MSRA: variants seen among roughly 807,000 people sequenced by gnomAD.
MSRA encodes mitochondrial peptide methionine sulfoxide reductase.
A neutral mutation model predicts 31.3 loss-of-function variants in MSRA; 54 were observed. That is an observed-to-expected ratio of 1.73 (90% CI 1.39 to 2.17). The LOEUF (loss-of-function observed/expected upper bound fraction) is 2.17. Ranked by LOEUF, MSRA falls within the 30% of genes most tolerant of loss-of-function variation. The probability of loss-of-function intolerance (pLI) is 0.00; values close to 1 mark genes in which losing one functional copy is unlikely to be tolerated. For synonymous variants in MSRA, 169 were observed against 116.5 expected (o/e 1.45, Z -2.90); for missense variants, 507 against 300.9 (o/e 1.69, Z -5.07).
chr8:10,070,661 C>G (rs1563395504), intron 1 of MSRA, among the ~76,000 whole-genome samples: 1 of 152,156 alleles, frequency 6.6e-6, no homozygotes, highest in African/African-American at 2.4e-5. Context: ...TCTTCCTCAC[C>G]CCCTGCCCAT....
At chr8:10,217,408 T>C (rs1454963029) in intron 2 of MSRA, among the ~76,000 whole-genome samples, 9 of 152,254 alleles carry the variant, frequency 5.9e-5, no homozygotes, top group South Asian at 4.1e-4. Flanking sequence ...CTGCTGGCTC[T>C]GGTTTAACCC....
chr8:10,295,265 A>C (rs937612904), intron 3 of MSRA, among the ~76,000 whole-genome samples: 3 of 152,024 alleles, frequency 2.0e-5, no homozygotes, highest in Non-Finnish European at 4.4e-5. Flanking sequence ...CCTGACTTCA[A>C]GGCTCAAGCA....
intron 5 of MSRA, among the ~76,000 whole-genome samples, chr8:10,425,255 A>G (rs554611674): frequency 1.9e-4 from 29 of 152,192 alleles, no homozygotes; most frequent in African/African-American, 6.8e-4. Context: ...GGACCCGTCC[A>G]TGAGGTCCCA....
intron 1 of MSRA, among the ~76,000 whole-genome samples, chr8:10,081,885 C>G (rs941175040): frequency 6.6e-6 from 1 of 152,190 alleles, no homozygotes; most frequent in Non-Finnish European, 1.5e-5. Flanking sequence ...TCTACCCCCT[C>G]TGCTGACTCT....
rs148735624 is a variant in MSRA, at chr8:10,426,256, C to T, written c.544-1892C>T. ...AGCCAAATGCTGTGTGAGCTGGGGC[C>T]CGGTCATGGAAACAGAAAACTTCCA... On this transcript the variant is annotated intron_variant, in intron 5 of 5. Transcript: ENST00000317173. Among the ~76,000 whole-genome samples the T allele has an allele frequency of 6.6e-4, 100 of 152,212 alleles. 1 individual carries two copies. The East Asian group carries it at 0.019, about 29-fold the overall frequency.
intron 5 of MSRA, among the ~76,000 whole-genome samples, chr8:10,406,812 T>A (rs887682168): frequency 6.6e-6 from 1 of 152,234 alleles, no homozygotes; most frequent in Non-Finnish European, 1.5e-5. Flanking sequence ...GGAACCAAGA[T>A]GAGGCCCATG....
intron 5 of MSRA, among the ~76,000 whole-genome samples, chr8:10,426,975 G>GGGCCTCAAGGTCCTCGATC (rs150708321): frequency 1.3e-5 from 2 of 152,054 alleles, no homozygotes; most frequent in African/African-American, 4.8e-5. Flanking sequence ...CGGACCTGCT[G>GGGCCTCAAGGTCCTCGATC]GGCCTTCTGC....
intron 1 of MSRA, among the ~76,000 whole-genome samples, chr8:10,091,361 A>G (rs1191458045): frequency 6.6e-6 from 1 of 152,242 alleles, no homozygotes; most frequent in African/African-American, 2.4e-5. Flanking sequence ...AATTATGTGC[A>G]TTGCCTCACA....
intron 5 of MSRA, among the ~76,000 whole-genome samples, chr8:10,397,317 G>A (rs1218249270): frequency 6.6e-6 from 1 of 152,154 alleles, no homozygotes; most frequent in Non-Finnish European, 1.5e-5. Context: ...ATTGACCCTG[G>A]TACTTTGTAG....
At chr8:10,129,484 C>T (rs1292661141) in intron 1 of MSRA, among the ~76,000 whole-genome samples, 1 of 152,048 alleles carries the variant, frequency 6.6e-6, no homozygotes, top group Non-Finnish European at 1.5e-5. Flanking sequence ...CACCCTTGAG[C>T]AGACACCTGT....
intron 5 of MSRA, chr8:10,337,706 C>T (rs1803143927): frequency 2.8e-6 from 2 of 702,478 alleles, no homozygotes; most frequent in Admixed American, 2.0e-5. Context: ...CCTCTCTCGG[C>T]AGCTGGTGCT....
At chr8:10,153,180 A>G (rs1803859268) in intron 1 of MSRA, among the ~76,000 whole-genome samples, 1 of 152,212 alleles carries the variant, frequency 6.6e-6, no homozygotes, top group African/African-American at 2.4e-5. Flanking sequence ...CACAATTACA[A>G]AAGTGGAATG....
At chr8:10,245,300 T>C in intron 3 of MSRA, 77 bp downstream of exon 3, 5 of 1,335,140 alleles carry the variant, frequency 3.7e-6, no homozygotes, top group Non-Finnish European at 5.2e-6. Context: ...GACAGGCTCT[T>C]TAAAATGGAA....
chr8:10,144,618 C>T (rs1187332954), intron 1 of MSRA, among the ~76,000 whole-genome samples: 1 of 151,242 alleles, frequency 6.6e-6, no homozygotes, highest in Non-Finnish European at 1.5e-5. Context: ...CCTTCCCTCT[C>T]CCTGCTTTTT....
In MSRA at chr8:10,319,919, G is replaced by C; in HGVS notation, c.473G>C (p.Arg158Pro). 1 of 1,597,376 alleles carries C rather than the reference G, an allele frequency of 6.3e-7. No homozygotes were observed. The highest frequency in any genetic ancestry group is 8.5e-7 in the Non-Finnish European group (1 of 1,172,274). The change falls in exon 5 of 6, where the codon CGC (arginine) becomes CCC (proline). Residue 158 changes from arginine to proline, a missense_variant. Arg to Pro is a moderately radical substitution (Grantham distance 103). Transcript: ENST00000317173. ...GGGAACGACCATGGCACTCAGTACCGCTCGGCCATCTACCCGACCTCTGCC... is the reference window on the plus strand; with the variant it reads ...GGGAACGACCATGGCACTCAGTACCCCTCGGCCATCTACCCGACCTCTGCC... ...RQGNDHGTQY[R>P]SAIYPTSAKQ...
rs140838481 is a variant in MSRA at position 10,315,886 on chromosome 8, A to G, written c.437-3997A>G. Among the ~76,000 whole-genome samples, 1,067 of 152,376 alleles carry G rather than the reference A, an allele frequency of 7.0e-3. 4 individuals are homozygous for G. The highest frequency in any genetic ancestry group is 0.011 in the Non-Finnish European group (743 of 68,034). ...AGTAAAAAGATTTTCTTTGGCCACCATAAATAGAATTTCCCTTTTACACAA... is the reference window on the plus strand; with the variant it reads ...AGTAAAAAGATTTTCTTTGGCCACCGTAAATAGAATTTCCCTTTTACACAA... On this transcript the variant is annotated intron_variant, in intron 4 of 5. Transcript: ENST00000317173.
intron 3 of MSRA, among the ~76,000 whole-genome samples, chr8:10,266,686 C>T (rs1364350375): frequency 6.6e-6 from 1 of 151,330 alleles, no homozygotes; most frequent in Non-Finnish European, 1.5e-5. Flanking sequence ...CTTATTTTTT[C>T]AGAAATTGTA....
At chr8:10,361,827 T>C (rs1461423455) in intron 5 of MSRA, among the ~76,000 whole-genome samples, 1 of 152,232 alleles carries the variant, frequency 6.6e-6, no homozygotes, top group Non-Finnish European at 1.5e-5. Flanking sequence ...AACTTATTTG[T>C]TTTAAAATTT....
At chr8:10,166,430 G>A (rs118133700) in intron 1 of MSRA, among the ~76,000 whole-genome samples, 7 of 152,238 alleles carry the variant, frequency 4.6e-5, no homozygotes, top group Middle Eastern at 3.4e-3. Context: ...ATGTCTGTGC[G>A]TGTGTATGCA....
Sources: gnomAD v4.1 joint callset for allele counts (sites outside exome capture counted in the v4.1 genomes callset) on GRCh38, gnomAD v4.1.1 for gene constraint, MANE v1.5 for transcripts, NCBI Gene and HGNC (gene_info 2026-07-23, HGNC 2026-07-21) for gene names.